The following C4orf50 variants were observed in gnomAD, a reference collection of about 807,000 sequenced individuals.
C4orf50 encodes chromosome 4 open reading frame 50.
A neutral mutation model predicts 77.2 loss-of-function variants in C4orf50; 80 were observed. The ratio of observed to expected loss-of-function variants is 1.04; its 90% CI spans 0.87 to 1.25. C4orf50 has a LOEUF of 1.25. Ranked by LOEUF, C4orf50 falls within the 50% of genes most tolerant of loss-of-function variation. The pLI, the probability that C4orf50 is intolerant of heterozygous loss-of-function variation, is 0.00. For missense variants in C4orf50, 1,257 were observed against 1,152.9 expected (o/e 1.09, Z -1.31); for synonymous variants, 532 against 465.3 (o/e 1.14, Z -1.84).
intron 7 of C4orf50, among the ~76,000 whole-genome samples, chr4:5,923,110 G>T (rs1374221619): frequency 1.3e-5 from 2 of 152,162 alleles, no homozygotes; most frequent in African/African-American, 2.4e-5. Context: ...GTTCCAGGAG[G>T]GAAAGGGACC....
chr4:5,931,486 G>A (rs1175999036), intron 7 of C4orf50, among the ~76,000 whole-genome samples: 1 of 152,218 alleles, frequency 6.6e-6, no homozygotes, highest in Non-Finnish European at 1.5e-5. Context: ...GACAAAGGAA[G>A]TCTAAAAACA....
exon 28 of C4orf50, chr4:5,988,811 C>T (rs747095242): frequency 3.1e-5 from 47 of 1,535,980 alleles, no homozygotes; most frequent in Non-Finnish European, 4.0e-5. Context: ...ATCATGTCTT[C>T]TATTCCTAGC....
chr4:5,992,069 AG>A lies in C4orf50; in HGVS notation c.1221+733del, dbSNP rs1721322542. Among the ~76,000 whole-genome samples, 1 of 152,172 alleles carries A rather than the reference AG, an allele frequency of 6.6e-6. No homozygotes were observed. Among genetic ancestry groups the A allele is most frequent in the Non-Finnish European group, 1.5e-5 (1 of 68,020 alleles). On this transcript the variant is annotated intron_variant, in intron 27 of 33. Coordinates refer to ENST00000531445, the Ensembl canonical transcript of C4orf50. This position sits in a 1 kb window ranked among gnomAD's most constrained non-coding sequence, Gnocchi z 5.0. ...AAGTTCCTTAACCTGCTGGAGCCTC[AG>A]CCACCTCACCTGTCAAATGGGGCAC...
chr4:5,947,789 G>T (rs1485461997), intron 7 of C4orf50, among the ~76,000 whole-genome samples: 5 of 152,110 alleles, frequency 3.3e-5, no homozygotes, highest in Non-Finnish European at 4.4e-5. Flanking sequence ...CGGCTGGATC[G>T]TCCCCCTGGG....
At chr4:5,981,785 G>A (rs1382209503) in intron 28 of C4orf50, among the ~76,000 whole-genome samples, 1 of 152,018 alleles carries the variant, frequency 6.6e-6, no homozygotes, top group Non-Finnish European at 1.5e-5. Flanking sequence ...TTCCGTTTGT[G>A]AAGATTTAGG....
At chr4:5,981,592 C>T (rs529267193) in intron 28 of C4orf50, among the ~76,000 whole-genome samples, 20 of 151,916 alleles carry the variant, frequency 1.3e-4, no homozygotes, top group African/African-American at 3.9e-4. Flanking sequence ...TTAGTAGAGA[C>T]GGGGTTTCTC....
At position 6,011,841 on chromosome 4, in the gene C4orf50, G is replaced by C. The variant is rs1722506816; in HGVS notation, c.415C>G (p.Leu139Val). The C allele has an allele frequency of 2.5e-6, 1 of 398,960 alleles. No homozygotes were observed. The highest frequency in any genetic ancestry group is 2.1e-5 in the African/African-American group (1 of 48,630). 24.7% of individuals were successfully genotyped at this position (398,960 alleles called of 1,614,324 possible). A position where few individuals can be genotyped will look rare whatever the true frequency, so the allele number is the denominator to read the frequency against. The change falls in exon 24 of 34, where the codon CTG becomes GTG. Residue 139 changes from leucine to valine, a missense_variant. Physicochemically the swap from Leu to Val is conservative, Grantham distance 32. Transcript: ENST00000531445. This position sits in a 1 kb window ranked among gnomAD's most constrained non-coding sequence, Gnocchi z 4.2. Reference sequence around the variant, plus strand: ...GAAGGAAACGGTACCTGGCTGGCCAGCTCCCCCTGCAGCGCCGCCAGCTTC... The same window carrying C: ...GAAGGAAACGGTACCTGGCTGGCCACCTCCCCCTGCAGCGCCGCCAGCTTC...
Position 6,015,044 on chromosome 4 carries a change from T to A in C4orf50, c.288-3076A>T, listed in dbSNP as rs1490134456. 2.0e-5 allele frequency among the ~76,000 whole-genome samples: 3 copies of A among 152,122 alleles called. No individual in the cohort carries two copies. The highest frequency in any genetic ancestry group is 4.4e-5 in the Non-Finnish European group (3 of 68,020). On this transcript the variant is annotated intron_variant, in intron 23 of 33. Coordinates refer to ENST00000531445, the Ensembl canonical transcript of C4orf50. This position sits in a 1 kb window ranked among gnomAD's most constrained non-coding sequence, Gnocchi z 4.4. ...TCTTCTGGTTTCCACCACCAACCTT[T>A]CTAGAAGATTTGAATGTACAACCCT... is the stretch of plus-strand genomic sequence containing the variant.
At chr4:5,929,747 A>G (rs768915474) in intron 7 of C4orf50, among the ~76,000 whole-genome samples, 2 of 152,348 alleles carry the variant, frequency 1.3e-5, no homozygotes, top group Non-Finnish European at 2.9e-5. Flanking sequence ...GAAATTCCCC[A>G]TCTGTGTGCA....
chr4:5,999,328 C>G (rs1163221472), intron 25 of C4orf50, among the ~76,000 whole-genome samples: 1 of 152,182 alleles, frequency 6.6e-6, no homozygotes. Flanking sequence ...CAGTGTTCTC[C>G]TCTGCAAAAT....
chr4:5,991,782 A>G (rs1721311030), intron 27 of C4orf50, among the ~76,000 whole-genome samples: 1 of 152,146 alleles, frequency 6.6e-6, no homozygotes, highest in South Asian at 2.1e-4. Flanking sequence ...TTGGAGGGTG[A>G]CATACCAGCA....
rs562632093 is a variant in C4orf50 at position 5,916,601 on chromosome 4, C to T, written c.*2475-18413G>A. The stretch of plus-strand genomic sequence containing the variant: ...GTCTTGGATTGGGCACCCTCAAAAG[C>T]AGAGCCTGAGACCCAGACAGGGGTG... On this transcript the variant is annotated intron_variant, in intron 7 of 7. Coordinates refer to the C4orf50 transcript ENST00000324058. The surrounding 1 kb of genome is among the most constrained non-coding windows in gnomAD (Gnocchi z 4.4). Among the ~76,000 whole-genome samples, 5 of 152,328 alleles carry T rather than the reference C, an allele frequency of 3.3e-5. No individual in the cohort carries two copies. The highest frequency in any genetic ancestry group is 5.9e-5 in the Non-Finnish European group (4 of 68,028).
chr4:5,988,968 C>G, exon 28 of C4orf50: 2 of 1,536,072 alleles, frequency 1.3e-6, no homozygotes, highest in East Asian at 2.4e-5. Flanking sequence ...GGCCCAGATT[C>G]CCTTTCAGTG....
intron 25 of C4orf50, among the ~76,000 whole-genome samples, chr4:6,004,093 TGG>T (rs1722045181): frequency 1.7e-5 from 2 of 115,622 alleles, no homozygotes; most frequent in African/African-American, 6.8e-5. Flanking sequence ...ATAGTGATGA[TGG>T]TGATGATGGT....
intron 7 of C4orf50, among the ~76,000 whole-genome samples, chr4:5,949,139 C>T (rs916659029): frequency 6.6e-6 from 1 of 152,126 alleles, no homozygotes; most frequent in Non-Finnish European, 1.5e-5. Context: ...GCACAGCAAA[C>T]ACCACAGCAG....
At chr4:5,911,728 T>G (rs1311276432) in intron 7 of C4orf50, among the ~76,000 whole-genome samples, 1 of 152,098 alleles carries the variant, frequency 6.6e-6, no homozygotes, top group East Asian at 1.9e-4. Context: ...CAACTGGCTC[T>G]CAAAACAAAA....
intron 33 of C4orf50, among the ~76,000 whole-genome samples, chr4:5,960,827 C>T (rs898857257): frequency 3.9e-5 from 6 of 152,122 alleles, no homozygotes; most frequent in Non-Finnish European, 7.3e-5. Flanking sequence ...GACTAATGTG[C>T]GCATCAGGAG....
chr4:5,951,933 T>G (rs1364799682), intron 7 of C4orf50, among the ~76,000 whole-genome samples: 1 of 152,184 alleles, frequency 6.6e-6, no homozygotes, highest in Non-Finnish European at 1.5e-5. Context: ...AACCATTGCC[T>G]TCCTACCCCC....
chr4:5,959,415 T>C, exon 34 of C4orf50: 1 of 1,614,192 alleles, frequency 6.2e-7, no homozygotes, highest in South Asian at 1.1e-5. Context: ...GACCTGGGAA[T>C]TGCTGCAAAT....
Sources: gnomAD v4.1 joint callset for allele counts (sites outside exome capture counted in the v4.1 genomes callset) on GRCh38, gnomAD v4.1.1 for gene constraint, Gnocchi (gnomAD v3.1) non-coding constraint, MANE v1.5 for transcripts, NCBI Gene and HGNC (gene_info 2026-07-23, HGNC 2026-07-21) for gene names.